Variants in BTBD8 observed in about 807,000 individuals in gnomAD.
BTBD8 encodes the protein BTB domain containing 8, also known as BTB/POZ domain-containing protein 8.
BTBD8 carries 110 observed loss-of-function variants against 162.9 expected under a neutral mutation model. The observed-to-expected ratio is 0.68, with a 90% CI of 0.58 to 0.79. The LOEUF (loss-of-function observed/expected upper bound fraction) is 0.79. Among genes scored for constraint, BTBD8 ranks in the 30% least tolerant of loss-of-function variants. The probability of loss-of-function intolerance (pLI) is 0.00; values close to 1 mark genes in which losing one functional copy is unlikely to be tolerated. For synonymous variants in BTBD8, 667 were observed against 716.1 expected (o/e 0.93, Z 1.10); for missense variants, 1,905 against 2,085.4 (o/e 0.91, Z 1.68).
intron 4 of BTBD8, among the ~76,000 whole-genome samples, chr1:92,113,103 G>C: frequency 6.6e-6 from 1 of 152,130 alleles, no homozygotes; most frequent in African/African-American, 2.4e-5. Flanking sequence ...TTAATCAAAA[G>C]GAGAAAATAG....
Position 92,080,400 on chromosome 1 carries a change from C to T in BTBD8, c.-172C>T. ...GGATTCTGAGGCTCCCCACCGCGGT[C>T]CGGCTTCTCTGGGAGACTGTCTACA... is the stretch of plus-strand genomic sequence containing the variant. On this transcript the variant is annotated 5_prime_UTR_variant, in exon 1 of 18. Coordinates refer to ENST00000636805, the MANE Select transcript of BTBD8 (RefSeq NM_001376131.1). 1.1e-6 allele frequency: 1 copy of T among 950,854 alleles called. No homozygotes were observed. Among genetic ancestry groups the T allele is most frequent in the Non-Finnish European group, 1.5e-6 (1 of 666,950 alleles). 58.9% of individuals were successfully genotyped at this position (950,854 alleles called of 1,614,324 possible).
Position 92,167,881 on chromosome 1 carries a change from G to A in BTBD8, c.1339G>A (p.Asp447Asn), listed in dbSNP as rs1650425133. ...AATGAGCAGCACAGCCGATCTGTTG[G>A]ACACAATTTTAAAAGCAATTGAAGA... is the stretch of plus-strand genomic sequence containing the variant. ...QAMSSTADLL[D>N]TILKAIEENI... The change falls in exon 11 of 18, where the codon GAC (aspartate) becomes AAC (asparagine). Residue 447 changes from aspartate (D) to asparagine (N), a missense_variant. Asp to Asn is a conservative substitution (Grantham distance 23, BLOSUM62 1). Around this residue, in one of 3 missense-constraint regions of BTBD8, gnomAD observed 1,374 missense variants for 1,442.7 expected, o/e 0.95. Transcript: ENST00000636805. 18 of 1,550,966 alleles carry A rather than the reference G, an allele frequency of 1.2e-5. No individual in the cohort carries two copies. Among genetic ancestry groups the A allele is most frequent in the African/African-American group, 2.7e-5 (2 of 73,118 alleles).
chr1:92,178,222 C>A, intron 15 of BTBD8, 90 bp from the exon 16 acceptor site: 2 of 988,768 alleles, frequency 2.0e-6, no homozygotes, highest in Non-Finnish European at 1.5e-6. Context: ...TTTTTTATTT[C>A]TTGAAAAAAA....
intron 12 of BTBD8, among the ~76,000 whole-genome samples, 161 bp downstream of exon 12, chr1:92,169,156 A>G (rs1036005355): frequency 1.3e-4 from 20 of 152,156 alleles, no homozygotes; most frequent in Non-Finnish European, 2.9e-5. Flanking sequence ...GTTTTAATAA[A>G]TCATGCTTTT....
chr1:92,176,333 G>A (rs1400829598), intron 13 of BTBD8, among the ~76,000 whole-genome samples: 1 of 152,066 alleles, frequency 6.6e-6, no homozygotes, highest in African/African-American at 2.4e-5. Flanking sequence ...CCTGAGACCT[G>A]GGGTAAATCA....
chr1:92,085,262 G>T (rs1055800463), intron 1 of BTBD8, among the ~76,000 whole-genome samples: 34 of 152,218 alleles, frequency 2.2e-4, no homozygotes, highest in African/African-American at 8.2e-4. Flanking sequence ...GTTATGCTAT[G>T]GTTTGAATGT....
In BTBD8 at chr1:92,117,119, G is replaced by C. The variant is rs139476774; in HGVS notation, c.662+9118G>C. ...TCTGCCTCAGCCTCCCAAATTGCTG[G>C]GATTACAGGTGTGACCTACCATACT... On this transcript the variant is annotated intron_variant, in intron 4 of 17. Transcript: ENST00000636805. Among the ~76,000 whole-genome samples the C allele has an allele frequency of 9.1e-3, 1,379 of 151,820 alleles. 35 individuals carry two copies. Among genetic ancestry groups the C allele is most frequent in the African/African-American group, 0.031 (1,297 of 41,240 alleles).
chr1:92,176,175 T>G (rs1650705178), intron 13 of BTBD8, among the ~76,000 whole-genome samples: 1 of 152,192 alleles, frequency 6.6e-6, no homozygotes, highest in Admixed American at 6.5e-5. Flanking sequence ...GATTAAGTCT[T>G]TAATGATAAA....
Position 92,180,741 on chromosome 1 carries a change from G to C in BTBD8, c.3058G>C (p.Glu1020Gln), listed in dbSNP as rs1438145217. 1 of 1,551,534 alleles carries C rather than the reference G, an allele frequency of 6.4e-7. No individual in the cohort carries two copies. The highest frequency in any genetic ancestry group is 8.7e-7 in the Non-Finnish European group (1 of 1,146,990). Residue 1020 changes from glutamate (E) to glutamine (Q), a missense_variant, in exon 17 of 18, where the codon GAA (glutamate) becomes CAA (glutamine). Physicochemically the swap from Glu to Gln is conservative, Grantham distance 29. Coordinates refer to ENST00000636805, the MANE Select transcript of BTBD8 (RefSeq NM_001376131.1). ...PDPQKPLNDQEKEKLALECQN... is the reference protein window; with the variant it reads ...PDPQKPLNDQQKEKLALECQN... ...CCCACAAAAGCCATTAAACGATCAA[G>C]AAAAAGAGAAGTTGGCGTTAGAATG...
rs183674363 is a variant in BTBD8, at chr1:92,179,414, A to G, written c.2582-851A>G. Among the ~76,000 whole-genome samples the G allele has an allele frequency of 1.8e-3, 267 of 152,312 alleles. 3 individuals carry two copies. The highest frequency in any genetic ancestry group is 5.9e-3 in the African/African-American group (244 of 41,576). On this transcript the variant is annotated intron_variant, in intron 16 of 17. Coordinates refer to ENST00000636805, the MANE Select transcript of BTBD8 (RefSeq NM_001376131.1). ...TGCATAATTTGCTAAAATAATAACC[A>G]ATTTTCAAAATTGCTTTTATGTATC...
At position 92,167,845 on chromosome 1, in the gene BTBD8, T is replaced by C; in HGVS notation, c.1306-3T>C. The C allele has an allele frequency of 6.5e-7, 1 of 1,546,952 alleles. No homozygotes were observed. The highest frequency in any genetic ancestry group is 1.2e-5 in the South Asian group (1 of 83,210). ...CTTAAATATTAATTTCTGTGTTTTA[T>C]AGTCACAAGCAATGAGCAGCACAGC... is the stretch of plus-strand genomic sequence containing the variant. On this transcript the variant is annotated splice_region_variant and splice_polypyrimidine_tract_variant and intron_variant, in intron 10 of 17. Coordinates refer to ENST00000636805, the MANE Select transcript of BTBD8 (RefSeq NM_001376131.1).
intron 2 of BTBD8, among the ~76,000 whole-genome samples, chr1:92,094,330 T>C (rs889879354): frequency 2.0e-5 from 3 of 152,198 alleles, no homozygotes; most frequent in African/African-American, 7.2e-5. Flanking sequence ...CCTTTTTTGG[T>C]TTCAAAGCAG....
At chr1:92,114,464 A>G (rs1648983127) in intron 4 of BTBD8, among the ~76,000 whole-genome samples, 1 of 152,124 alleles carries the variant, frequency 6.6e-6, no homozygotes, top group Non-Finnish European at 1.5e-5. Flanking sequence ...TTTTTAAGGA[A>G]AGAATTACAG....
chr1:92,158,503 C>G (rs1486087620), intron 9 of BTBD8, among the ~76,000 whole-genome samples: 1 of 152,104 alleles, frequency 6.6e-6, no homozygotes, highest in African/African-American at 2.4e-5. Context: ...CTTCTCCCCC[C>G]ACACATACAC....
At chr1:92,144,406 A>G (rs1369481756) in intron 7 of BTBD8, among the ~76,000 whole-genome samples, 2 of 152,172 alleles carry the variant, frequency 1.3e-5, no homozygotes, top group African/African-American at 4.8e-5. Context: ...GCTAACTTCA[A>G]TAATTTCATT....
chr1:92,178,081 A>G (rs1650774320), intron 15 of BTBD8, among the ~76,000 whole-genome samples, 183 bp downstream of exon 15: 2 of 152,184 alleles, frequency 1.3e-5, no homozygotes, highest in African/African-American at 4.8e-5. Context: ...TTGAGGCACA[A>G]TATTTAAAAG....
chr1:92,141,116 C>A lies in BTBD8; in HGVS notation c.835C>A (p.Gln279Lys). The change falls in exon 7 of 18, where the codon CAG (glutamine) becomes AAG (lysine). Residue 279 changes from glutamine to lysine, a missense_variant and splice_region_variant. Physicochemically the swap from Gln to Lys is moderately conservative, Grantham distance 53. Coordinates refer to ENST00000636805, the MANE Select transcript of BTBD8 (RefSeq NM_001376131.1). ...LDIPDKTNVG[Q>K]ILNMADMYGL... The stretch of plus-strand genomic sequence containing the variant: ...ACAGTGCATCTATTTTTATTTTAGT[C>A]AGATACTCAATATGGCTGATATGTA... 1 of 1,542,058 alleles carries A rather than the reference C, an allele frequency of 6.5e-7. No homozygotes were observed. Among genetic ancestry groups the A allele is most frequent in the East Asian group, 2.4e-5 (1 of 42,238 alleles).
intron 8 of BTBD8, 96 bp from the exon 9 acceptor site, chr1:92,147,588 A>T (rs1262885584): frequency 7.1e-6 from 6 of 849,558 alleles, no homozygotes; most frequent in Non-Finnish European, 1.1e-5. Flanking sequence ...GTCAGGTCAT[A>T]TATATGTACA....
intron 7 of BTBD8, among the ~76,000 whole-genome samples, chr1:92,143,336 A>T (rs1649821552): frequency 6.6e-6 from 1 of 151,954 alleles, no homozygotes; most frequent in African/African-American, 2.4e-5. Context: ...GTGGATGAGT[A>T]TATGTGGGTT....
Sources: gnomAD v4.1 joint callset for allele counts (sites outside exome capture counted in the v4.1 genomes callset) on GRCh38, gnomAD v4.1.1 for gene constraint, gnomAD v4.1.1 regional missense constraint, MANE v1.5 for transcripts, NCBI Gene and HGNC (gene_info 2026-07-23, HGNC 2026-07-21) for gene names.